Variants in ANTXR1 observed in about 807,000 individuals in gnomAD.
ANTXR1 encodes ANTXR cell adhesion molecule 1.
A neutral mutation model predicts 78.1 loss-of-function variants in ANTXR1; 19 were observed. The ratio of observed to expected loss-of-function variants is 0.24; its 90% CI spans 0.17 to 0.36. ANTXR1 has a LOEUF of 0.36. ANTXR1 is among the 10% of genes least tolerant of loss of function. The pLI is 1.00. For missense variants in ANTXR1, 518 were observed against 718.6 expected, an observed-to-expected ratio of 0.72 and a Z score of 3.19; for synonymous variants, 273 against 260.5, an observed-to-expected ratio of 1.05 and a Z score of -0.46.
At chr2:69,041,904 G>A (rs1370353093) in intron 2 of ANTXR1, among the ~76,000 whole-genome samples, 1 of 152,178 alleles carries the variant, frequency 6.6e-6, no homozygotes, top group African/African-American at 2.4e-5. Flanking sequence ...GCCCCTCAAA[G>A]TGTGGAGCCA....
chr2:69,233,581 T>A (rs1455791658), intron 17 of ANTXR1, among the ~76,000 whole-genome samples: 2 of 151,982 alleles, frequency 1.3e-5, no homozygotes, highest in Admixed American at 6.5e-5. Context: ...AATAAAAATA[T>A]CTATCAATAG....
Position 69,246,143 on chromosome 2 carries a change from A to G in ANTXR1, c.*658A>G. ...AGGGGAGCAGGTGTTTACTGATGGA[A>G]AAGGTATGTTGCTATGTTGATGTGT... On this transcript the variant is annotated 3_prime_UTR_variant, in exon 18 of 18. Transcript: ENST00000303714. The G allele has an allele frequency of 6.6e-6, 1 of 152,640 alleles. No individual in the cohort carries two copies. 9.5% of individuals were successfully genotyped at this position (152,640 alleles called of 1,614,324 possible). A position where few individuals can be genotyped will look rare whatever the true frequency, so the allele number is the denominator to read the frequency against.
chr2:69,189,314 A>G (rs987262270), intron 16 of ANTXR1, among the ~76,000 whole-genome samples: 3 of 152,152 alleles, frequency 2.0e-5, no homozygotes, highest in Non-Finnish European at 4.4e-5. Flanking sequence ...TCTATGCACT[A>G]ATGCCTTTAT....
chr2:69,154,580 G>C (rs1371648398), intron 13 of ANTXR1, among the ~76,000 whole-genome samples: 1 of 152,114 alleles, frequency 6.6e-6, no homozygotes, highest in African/African-American at 2.4e-5. Context: ...ACAGTCCCCA[G>C]ATTAATAGAG....
chr2:69,078,213 G>A (rs1029096851), intron 8 of ANTXR1, among the ~76,000 whole-genome samples: 2 of 152,150 alleles, frequency 1.3e-5, no homozygotes, highest in Non-Finnish European at 2.9e-5. Flanking sequence ...ATAGAATATT[G>A]GATGCTACTG....
At chr2:69,124,712 T>C in intron 12 of ANTXR1, 69 bp downstream of exon 12, 2 of 1,555,248 alleles carry the variant, frequency 1.3e-6, no homozygotes, top group Non-Finnish European at 1.8e-6. Context: ...TCTTAAGCAG[T>C]AATCTTCTCC....
chr2:69,143,262 CAG>C (rs1673120826), intron 12 of ANTXR1, among the ~76,000 whole-genome samples: 1 of 152,084 alleles, frequency 6.6e-6, no homozygotes, highest in South Asian at 2.1e-4. Context: ...ATGAAGTAGA[CAG>C]GGGCAGATTT....
In ANTXR1 at chr2:69,236,242, A is replaced by C. The variant is rs75961000; in HGVS notation, c.1435-8983A>C. ...AAAAAAAGATCAAAACCTCAGTAAA[A>C]GTGGGCAAAGTATATGAGCAGACAA... On this transcript the variant is annotated intron_variant, in intron 17 of 17. Coordinates refer to ENST00000303714, the MANE Select transcript of ANTXR1 (RefSeq NM_032208.3). Among the ~76,000 whole-genome samples the C allele has an allele frequency of 3.6e-3, 542 of 152,312 alleles. 4 individuals are homozygous for C. The highest frequency in any genetic ancestry group is 0.012 in the African/African-American group (505 of 41,572).
chr2:69,150,724 T>C (rs72901341), intron 12 of ANTXR1, among the ~76,000 whole-genome samples: 12,779 of 152,062 alleles, frequency 0.084, 868 homozygotes, highest in East Asian at 0.35. Context: ...ATTTAAATAT[T>C]ATTTGACAAT....
At chr2:69,146,583 G>A (rs1017580023) in intron 12 of ANTXR1, among the ~76,000 whole-genome samples, 13 of 152,212 alleles carry the variant, frequency 8.5e-5, no homozygotes, top group African/African-American at 2.9e-4. Flanking sequence ...CTGCTGGGCT[G>A]GACAGGTCAG....
chr2:69,219,384 GACACACACACACACACACACAC>G (rs377200577), intron 17 of ANTXR1, among the ~76,000 whole-genome samples: 5 of 132,224 alleles, frequency 3.8e-5, no homozygotes, highest in African/African-American at 1.4e-4. Flanking sequence ...CCAGAAGGAG[GACACACACACACACACACACAC>G]ACACACACAC....
chr2:69,190,876 A>G (rs1674529402), intron 16 of ANTXR1, among the ~76,000 whole-genome samples: 1 of 152,220 alleles, frequency 6.6e-6, no homozygotes, highest in South Asian at 2.1e-4. Flanking sequence ...TCAACAGCCC[A>G]GTGTTCTTCT....
chr2:69,177,972 C>T (rs1161777458), intron 14 of ANTXR1, among the ~76,000 whole-genome samples: 1 of 152,194 alleles, frequency 6.6e-6, no homozygotes, highest in African/African-American at 2.4e-5. Flanking sequence ...CCATAGAGGA[C>T]AGCAAGGTTT....
At position 69,022,119 on chromosome 2, in the gene ANTXR1, G is replaced by A. The variant is rs78162601; in HGVS notation, c.152+8468G>A. ...TCTTTTTCCATAGTTTATGGAATAC[G>A]AGGGAATTTGAAAGGCTGGGGAAAG... is the stretch of plus-strand genomic sequence containing the variant. On this transcript the variant is annotated intron_variant, in intron 1 of 17. Transcript: ENST00000303714. 6.7e-3 allele frequency among the ~76,000 whole-genome samples: 1,021 copies of A among 152,258 alleles called. 12 individuals carry two copies. The highest frequency in any genetic ancestry group is 0.023 in the African/African-American group (973 of 41,550).
At chr2:69,023,972 C>G (rs1671271719) in intron 1 of ANTXR1, among the ~76,000 whole-genome samples, 1 of 152,122 alleles carries the variant, frequency 6.6e-6, no homozygotes, top group African/African-American at 2.4e-5. Flanking sequence ...TTTATTCCAT[C>G]AGGAATAGGT....
rs545294312 is a variant in ANTXR1 at position 69,148,349 on chromosome 2, C to T, written c.952-3820C>T. 6.6e-5 allele frequency among the ~76,000 whole-genome samples: 10 copies of T among 152,310 alleles called. No homozygotes were observed. The East Asian group carries it at 1.9e-3, about 30-fold the overall frequency. On this transcript the variant is annotated intron_variant, in intron 12 of 17. Coordinates refer to ENST00000303714, the MANE Select transcript of ANTXR1 (RefSeq NM_032208.3). Reference sequence around the variant, plus strand: ...GCGGGAATGCTGACACCTCCTTGGCCCTGCTCTGCAGAGTGTCACCTCCTC... The same window carrying T: ...GCGGGAATGCTGACACCTCCTTGGCTCTGCTCTGCAGAGTGTCACCTCCTC...
At chr2:69,079,654 T>C (rs1392374011) in intron 8 of ANTXR1, among the ~76,000 whole-genome samples, 1 of 152,116 alleles carries the variant, frequency 6.6e-6, no homozygotes, top group Non-Finnish European at 1.5e-5. Context: ...CTATAGGCAG[T>C]GGGTGTAGTT....
chr2:69,084,590 AGT>A (rs1491178029), intron 8 of ANTXR1, among the ~76,000 whole-genome samples: 3 of 119,238 alleles, frequency 2.5e-5, no homozygotes, highest in Non-Finnish European at 3.3e-5. Flanking sequence ...GTATTTGTAA[AGT>A]TTTTTTTTTT....
Position 69,089,429 on chromosome 2 carries a change from G to A in ANTXR1, c.643-1430G>A, listed in dbSNP as rs1418407996. ...GATTTGTTTTCATTCCACAGATTGA[G>A]AAAGCTCATAAATATTGGCTGTCCT... On this transcript the variant is annotated intron_variant, in intron 8 of 17. Coordinates refer to ENST00000303714, the MANE Select transcript of ANTXR1 (RefSeq NM_032208.3). Among the ~76,000 whole-genome samples the A allele has an allele frequency of 2.6e-5, 4 of 152,194 alleles. No homozygotes were observed. The South Asian group carries it at 6.2e-4, about 24-fold the overall frequency.
Sources: gnomAD v4.1 joint callset for allele counts (sites outside exome capture counted in the v4.1 genomes callset) on GRCh38, gnomAD v4.1.1 for gene constraint, MANE v1.5 for transcripts, NCBI Gene and HGNC (gene_info 2026-07-23, HGNC 2026-07-21) for gene names.